The following DGKD variants were observed in gnomAD, a reference collection of about 807,000 sequenced individuals.
DGKD encodes diacylglycerol kinase delta, also known as DAG kinase delta.
In DGKD, 68 loss-of-function variants were observed where a neutral mutation model predicts 154.4. The observed-to-expected ratio is 0.44, with a 90% CI of 0.36 to 0.54. The LOEUF is 0.54. Ranked by LOEUF, DGKD falls within the 20% of genes least tolerant of loss-of-function variation. DGKD has a pLI of 0.00. For synonymous variants in DGKD, 693 were observed against 638.0 expected (o/e 1.09, Z -1.30); for missense variants, 1,343 against 1,593.6 (o/e 0.84, Z 2.68).
chr2:233,446,574 G>A (rs895592092), intron 11 of DGKD, 138 bp from the exon 12 acceptor site: 4 of 780,950 alleles, frequency 5.1e-6, no homozygotes, highest in Non-Finnish European at 8.2e-6. Context: ...ATGGGACAGA[G>A]TCAAGACCAA....
rs2063151376 is a variant in DGKD at position 233,448,288 on chromosome 2, G to A, written c.1527G>A (p.Glu509=). The A allele has an allele frequency of 6.2e-7, 1 of 1,614,180 alleles. No homozygotes were observed. The highest frequency in any genetic ancestry group is 1.1e-5 in the South Asian group (1 of 91,066). The change falls in exon 14 of 30, where the codon GAG becomes GAA. Residue 509 remains glutamate, a synonymous_variant. Coordinates refer to ENST00000264057, the MANE Select transcript of DGKD (RefSeq NM_152879.3). ...TTTCTCCCCACAGAGTGCTCTGTGA[G>A]ACGGTGAAGGACTTCGTGGCACGGG... ...VVISSAKVLC[E]TVKDFVARVG... is the part of the protein sequence containing the mutation.
At chr2:233,373,018 A>G (rs1702398252) in intron 1 of DGKD, among the ~76,000 whole-genome samples, 1 of 152,210 alleles carries the variant, frequency 6.6e-6, no homozygotes, top group Admixed American at 6.5e-5. Flanking sequence ...GTTAATGATA[A>G]TAGCTGATAA....
chr2:233,464,117 G>A, intron 26 of DGKD, 47 bp from the exon 27 acceptor site: 1 of 1,612,142 alleles, frequency 6.2e-7, no homozygotes, highest in Non-Finnish European at 8.5e-7. Flanking sequence ...GCGCTGATCA[G>A]CAGTGCACAC....
intron 12 of DGKD, chr2:233,447,617 T>C: frequency 1.0e-6 from 1 of 990,060 alleles, no homozygotes; most frequent in South Asian, 4.6e-5. Flanking sequence ...GGCTGGGTCC[T>C]AAGGACAGCA....
Position 233,439,315 on chromosome 2 carries a change from A to G in DGKD, c.1085+936A>G, listed in dbSNP as rs143310547. ...GGCTACTCTGATGTGAACCTCGGCC[A>G]GCTCCCTGCGTGTCCTTGGCGTACA... On this transcript the variant is annotated intron_variant, in intron 9 of 29. Transcript: ENST00000264057. Among the ~76,000 whole-genome samples the G allele has an allele frequency of 1.8e-3, 281 of 152,302 alleles. 1 individual carries two copies. The highest frequency in any genetic ancestry group is 3.0e-3 in the Non-Finnish European group (207 of 68,016).
chr2:233,463,250 G>A (rs1053326869), intron 26 of DGKD, among the ~76,000 whole-genome samples: 6 of 151,962 alleles, frequency 3.9e-5, no homozygotes, highest in Admixed American at 2.6e-4. Context: ...CCTCCACTCC[G>A]CACGCCACTC....
rs1035333013 is a variant in DGKD at position 233,441,648 on chromosome 2, C to T, written c.1086-239C>T. Among the ~76,000 whole-genome samples, 23 of 152,166 alleles carry T rather than the reference C, an allele frequency of 1.5e-4. No homozygotes were observed. Among genetic ancestry groups the T allele is most frequent in the African/African-American group, 5.3e-4 (22 of 41,448 alleles). ...CTCACCAAGCTGAGTGGTCTTGTCG[C>T]TGGGTGGGGCGTGGCTGGTGGGAGC... is the stretch of plus-strand genomic sequence containing the variant. On this transcript the variant is annotated intron_variant, in intron 9 of 29. Coordinates refer to ENST00000264057, the MANE Select transcript of DGKD (RefSeq NM_152879.3). The surrounding 1 kb of genome is among the most constrained non-coding windows in gnomAD (Gnocchi z 5.6).
intron 1 of DGKD, among the ~76,000 whole-genome samples, chr2:233,369,703 G>T (rs564260770): frequency 6.6e-6 from 1 of 152,326 alleles, no homozygotes; most frequent in African/African-American, 2.4e-5. Flanking sequence ...GGCTGGCCGT[G>T]GGGTGATCGG....
intron 10 of DGKD, among the ~76,000 whole-genome samples, chr2:233,443,313 A>AT (rs906306395): frequency 1.3e-4 from 20 of 150,342 alleles, no homozygotes; most frequent in Admixed American, 2.0e-4. Flanking sequence ...ACCTGTTCAT[A>AT]TTTTTTTTTG....
At chr2:233,369,902 C>T (rs1702227920) in intron 1 of DGKD, among the ~76,000 whole-genome samples, 1 of 152,148 alleles carries the variant, frequency 6.6e-6, no homozygotes, top group Non-Finnish European at 1.5e-5. Context: ...CCTCCCTTTC[C>T]CCTGCAGGAA....
At position 233,449,284 on chromosome 2, in the gene DGKD, G is replaced by A. The variant is rs1298063809; in HGVS notation, c.1796G>A (p.Arg599Gln). 1.1e-5 allele frequency: 17 copies of A among 1,613,254 alleles called. No homozygotes were observed. The highest frequency in any genetic ancestry group is 6.7e-5 in the East Asian group (3 of 44,884). Residue 599 changes from arginine to glutamine, a missense_variant, in exon 15 of 30, where the codon CGG becomes CAG. Coordinates refer to ENST00000264057, the MANE Select transcript of DGKD (RefSeq NM_152879.3). This position sits in a 1 kb window ranked among gnomAD's most constrained non-coding sequence, Gnocchi z 5.3. ...TTGGTGGCATCAGCTTGCCCGGCCC[G>A]GCCGCAGATATTCCGGCCTCGAGAA... ...DRLVASACPA[R>Q]PQIFRPREQL...
intron 6 of DGKD, 41 bp downstream of exon 6, chr2:233,435,965 T>TCCCCCACCTGCACGGC: frequency 6.5e-7 from 1 of 1,544,610 alleles, no homozygotes; most frequent in Non-Finnish European, 8.8e-7. Context: ...TGAGCCAGGG[T>TCCCCCACCTGCACGGC]CCCCCACCTG....
intron 24 of DGKD, among the ~76,000 whole-genome samples, chr2:233,461,756 C>T (rs896235352): frequency 1.5e-4 from 23 of 152,384 alleles, no homozygotes; most frequent in African/African-American, 5.0e-4. Context: ...TCAGGACAGG[C>T]TGGCCCCGCT....
intron 1 of DGKD, among the ~76,000 whole-genome samples, chr2:233,386,652 CTT>C (rs555728455): frequency 6.6e-5 from 10 of 152,260 alleles, no homozygotes; most frequent in African/African-American, 2.2e-4. Flanking sequence ...TCCTGGCACT[CTT>C]TAATTACTGG....
chr2:233,400,646 C>G (rs2061536716), intron 3 of DGKD, among the ~76,000 whole-genome samples: 1 of 152,154 alleles, frequency 6.6e-6, no homozygotes, highest in Non-Finnish European at 1.5e-5. Flanking sequence ...ACATTTGACT[C>G]CCTCAGTGGG....
chr2:233,437,121 AC>A, intron 7 of DGKD, among the ~76,000 whole-genome samples: 1 of 152,132 alleles, frequency 6.6e-6, no homozygotes, highest in Non-Finnish European at 1.5e-5. Flanking sequence ...TGGGTACAGG[AC>A]TGTAGCTCAC....
At chr2:233,428,625 G>A (rs1054537126) in intron 3 of DGKD, among the ~76,000 whole-genome samples, 5 of 152,216 alleles carry the variant, frequency 3.3e-5, no homozygotes, top group African/African-American at 1.2e-4. Context: ...ACAGGGCGGA[G>A]AAGCACCTGC....
At chr2:233,448,976 C>T (rs1378006122) in intron 14 of DGKD, 127 bp from the exon 15 acceptor site, 12 of 1,190,564 alleles carry the variant, frequency 1.0e-5, no homozygotes, top group Non-Finnish European at 1.3e-5. Context: ...GTTACTTAGG[C>T]GTGGAGAGTT....
chr2:233,449,697 C>T lies in DGKD; in HGVS notation c.1889-285C>T, dbSNP rs1048507897. ...GCACACCTGCGTGTCCATGCAGCCG[C>T]TCCTCCCGCTTGCAGCCCTCCAGCC... is the stretch of plus-strand genomic sequence containing the variant. On this transcript the variant is annotated intron_variant, in intron 15 of 29. Transcript: ENST00000264057. This position sits in a 1 kb window ranked among gnomAD's most constrained non-coding sequence, Gnocchi z 5.3. Among the ~76,000 whole-genome samples, 2 of 152,182 alleles carry T rather than the reference C, an allele frequency of 1.3e-5. No homozygotes were observed. Among genetic ancestry groups the T allele is most frequent in the African/African-American group, 2.4e-5 (1 of 41,450 alleles).
Sources: allele counts gnomAD v4.1 joint callset (sites outside exome capture counted in the v4.1 genomes callset), GRCh38; gene constraint gnomAD v4.1.1; non-coding constraint Gnocchi (gnomAD v3.1); transcripts MANE v1.5; gene names NCBI Gene and HGNC (gene_info 2026-07-23, HGNC 2026-07-21).